Variants in HS3ST3A1 observed in about 807,000 individuals in gnomAD.
The protein encoded by HS3ST3A1 is heparan sulfate-glucosamine 3-sulfotransferase 3A1.
A neutral mutation model predicts 25.7 loss-of-function variants in HS3ST3A1; 19 were observed. The observed-to-expected ratio is 0.74, with a 90% CI of 0.52 to 1.08. HS3ST3A1 has a LOEUF of 1.08. HS3ST3A1 is among the 50% of genes least tolerant of loss of function. The pLI is 0.00. For missense variants in HS3ST3A1, 459 were observed against 594.3 expected, an observed-to-expected ratio of 0.77 and a Z score of 2.37; for synonymous variants, 226 against 278.6, an observed-to-expected ratio of 0.81 and a Z score of 1.88.
intron 1 of HS3ST3A1, among the ~76,000 whole-genome samples, chr17:13,505,544 T>G (rs1905634367): frequency 1.3e-5 from 2 of 151,804 alleles, no homozygotes; most frequent in South Asian, 4.2e-4. Flanking sequence ...ATTAGGGTGC[T>G]GATAGTGGGA....
chr17:13,594,176 T>C (rs1377540180), intron 1 of HS3ST3A1, among the ~76,000 whole-genome samples: 2 of 152,332 alleles, frequency 1.3e-5, no homozygotes, highest in East Asian at 3.9e-4. Context: ...TATTGTATTA[T>C]ATCGGGGATC....
chr17:13,519,247 G>C (rs545556376), intron 1 of HS3ST3A1, among the ~76,000 whole-genome samples: 2 of 152,292 alleles, frequency 1.3e-5, no homozygotes, highest in East Asian at 3.9e-4. Context: ...TAGCTGCCTA[G>C]GGCCTTAAGA....
chr17:13,588,667 A>G (rs115789442), intron 1 of HS3ST3A1, among the ~76,000 whole-genome samples: 2,276 of 150,596 alleles, frequency 0.015, 56 homozygotes, highest in African/African-American at 0.051. Flanking sequence ...CTCTTAGTAT[A>G]GTCCATTTTA....
At chr17:13,515,798 G>T (rs1906034835) in intron 1 of HS3ST3A1, among the ~76,000 whole-genome samples, 1 of 152,096 alleles carries the variant, frequency 6.6e-6, no homozygotes, top group Non-Finnish European at 1.5e-5. Flanking sequence ...ATCCTTGTCA[G>T]CACTTAATGT....
chr17:13,586,423 A>G (rs1476714980), intron 1 of HS3ST3A1, among the ~76,000 whole-genome samples: 4 of 151,386 alleles, frequency 2.6e-5, no homozygotes, highest in Non-Finnish European at 4.4e-5. Context: ...CTGTGAAATC[A>G]GTCCTCCACT....
chr17:13,504,080 C>T (rs569561671), intron 1 of HS3ST3A1, among the ~76,000 whole-genome samples: 56 of 152,122 alleles, frequency 3.7e-4, no homozygotes, highest in Non-Finnish European at 5.3e-4. Flanking sequence ...TTTGGGAGGC[C>T]GCAGTGGGTG....
intron 1 of HS3ST3A1, among the ~76,000 whole-genome samples, chr17:13,583,665 C>A (rs891985375): frequency 2.6e-5 from 4 of 152,098 alleles, no homozygotes; most frequent in Non-Finnish European, 4.4e-5. Flanking sequence ...TTGCAATATC[C>A]CAATATTAAA....
chr17:13,534,720 C>A (rs1396569781), intron 1 of HS3ST3A1, among the ~76,000 whole-genome samples: 1 of 151,896 alleles, frequency 6.6e-6, no homozygotes, highest in Non-Finnish European at 1.5e-5. Context: ...CAGAGTGACA[C>A]CCTGTCTCAA....
intron 1 of HS3ST3A1, among the ~76,000 whole-genome samples, chr17:13,505,168 A>G (rs1905618553): frequency 6.6e-6 from 1 of 152,200 alleles, no homozygotes; most frequent in Non-Finnish European, 1.5e-5. Flanking sequence ...GAGTATTTCT[A>G]TTGCAGCAGA....
intron 1 of HS3ST3A1, among the ~76,000 whole-genome samples, chr17:13,593,260 C>T (rs1342855043): frequency 2.5e-5 from 3 of 122,360 alleles, no homozygotes; most frequent in South Asian, 2.5e-4. Flanking sequence ...AAAAGTCATA[C>T]GCCCAAGTCT....
At chr17:13,577,702 G>A (rs897959731) in intron 1 of HS3ST3A1, among the ~76,000 whole-genome samples, 2 of 152,164 alleles carry the variant, frequency 1.3e-5, no homozygotes. Context: ...ACACAAGTAT[G>A]TACAAGTTCA....
intron 1 of HS3ST3A1, among the ~76,000 whole-genome samples, chr17:13,529,014 C>T (rs77118271): frequency 0.013 from 1,980 of 152,158 alleles, 51 homozygotes; most frequent in African/African-American, 0.045. Flanking sequence ...TATGTATATA[C>T]TCCTATTGGT....
intron 1 of HS3ST3A1, among the ~76,000 whole-genome samples, chr17:13,545,465 T>C (rs1795643042): frequency 6.6e-6 from 1 of 152,194 alleles, no homozygotes; most frequent in Admixed American, 6.5e-5. Context: ...TCCTTCTTTC[T>C]CCCTAGCTAT....
intron 1 of HS3ST3A1, among the ~76,000 whole-genome samples, chr17:13,576,587 G>A (rs1173713624): frequency 1.3e-5 from 2 of 152,212 alleles, no homozygotes; most frequent in African/African-American, 4.8e-5. Context: ...GGAGGATTAT[G>A]CTTCAATTAT....
rs763861789 is a variant in HS3ST3A1, at chr17:13,496,477, C to T, written c.941G>A (p.Arg314Gln). The T allele has an allele frequency of 2.9e-6, 4 of 1,398,404 alleles. No homozygotes were observed. The highest frequency in any genetic ancestry group is 1.5e-5 in the African/African-American group (1 of 67,270). 86.6% of individuals were successfully genotyped at this position (1,398,404 alleles called of 1,614,324 possible). Reference protein sequence around the residue: ...IRQMLFVSGERLISDPAGELG... With the variant: ...IRQMLFVSGEQLISDPAGELG... ...CTCCCCGGCCGGGTCGCTGATGAGCCGCTCGCCGCTCACGAAGAGCATCTG... is the reference window on the plus strand; with the variant it reads ...CTCCCCGGCCGGGTCGCTGATGAGCTGCTCGCCGCTCACGAAGAGCATCTG... The change falls in exon 2 of 2, where the codon CGG becomes CAG. Residue 314 changes from arginine (R) to glutamine (Q), a missense_variant. Arg to Gln is a conservative substitution (Grantham distance 43, BLOSUM62 1). Coordinates refer to ENST00000284110, the MANE Select transcript of HS3ST3A1 (RefSeq NM_006042.3).
At chr17:13,532,939 A>C (rs1377905437) in intron 1 of HS3ST3A1, among the ~76,000 whole-genome samples, 1 of 151,040 alleles carries the variant, frequency 6.6e-6, no homozygotes, top group Non-Finnish European at 1.5e-5. Context: ...GCTTTGACTT[A>C]TGATAAAAAT....
chr17:13,535,077 A>G (rs1906729817), intron 1 of HS3ST3A1, among the ~76,000 whole-genome samples: 1 of 151,430 alleles, frequency 6.6e-6, no homozygotes, highest in Non-Finnish European at 1.5e-5. Context: ...ATTAGTGAAT[A>G]CTGAACCAAT....
At chr17:13,532,268 C>T (rs1906627287) in intron 1 of HS3ST3A1, among the ~76,000 whole-genome samples, 1 of 152,134 alleles carries the variant, frequency 6.6e-6, no homozygotes, top group Admixed American at 6.5e-5. Context: ...TGTTCCTTTA[C>T]CATTGCATTT....
chr17:13,509,474 C>A (rs1282411008), intron 1 of HS3ST3A1, among the ~76,000 whole-genome samples: 1 of 151,414 alleles, frequency 6.6e-6, no homozygotes, highest in East Asian at 1.9e-4. Flanking sequence ...CTTAATGTGT[C>A]CATAAAAATG....
Sources: gnomAD v4.1 joint callset for allele counts (sites outside exome capture counted in the v4.1 genomes callset) on GRCh38, gnomAD v4.1.1 for gene constraint, MANE v1.5 for transcripts, NCBI Gene and HGNC (gene_info 2026-07-23, HGNC 2026-07-21) for gene names.